The following LVRN variants were observed in gnomAD, a reference collection of about 807,000 sequenced individuals.
LVRN encodes the protein aminopeptidase Q.
Under a neutral mutation model 111.4 loss-of-function variants are expected in LVRN, and 99 were observed. The ratio of observed to expected loss-of-function variants is 0.89; its 90% CI spans 0.76 to 1.05. The LOEUF is 1.05. LVRN is among the 50% of genes least tolerant of loss of function. The pLI, the probability that LVRN is intolerant of heterozygous loss-of-function variation, is 0.00. For synonymous variants in LVRN, 488 were observed against 449.5 expected, an observed-to-expected ratio of 1.09 and a Z score of -1.08; for missense variants, 1,414 against 1,206.8, an observed-to-expected ratio of 1.17 and a Z score of -2.54.
In LVRN at chr5:116,027,596, A is replaced by AT. The variant is rs1331811502; in HGVS notation, c.*1479dup. ...AAATTTTCAGCAATAAAATATCTGC[A>AT]TGCCTACAAAGTGTTGTAGCTGAGA... On this transcript the variant is annotated 3_prime_UTR_variant, in exon 20 of 20. Coordinates refer to ENST00000357872, the MANE Select transcript of LVRN (RefSeq NM_173800.5). The AT allele has an allele frequency of 6.6e-6, 1 of 152,200 alleles. No individual in the cohort carries two copies. The highest frequency in any genetic ancestry group is 1.5e-5 in the Non-Finnish European group (1 of 68,034). 9.4% of individuals were successfully genotyped at this position (152,200 alleles called of 1,614,324 possible). A position where few individuals can be genotyped will look rare whatever the true frequency, so the allele number is the denominator to read the frequency against.
intron 1 of LVRN, 79 bp downstream of exon 1, chr5:115,963,391 C>T (rs746834145): frequency 1.7e-6 from 2 of 1,208,180 alleles, no homozygotes; most frequent in African/African-American, 1.5e-5. Context: ...AGCTGACTAC[C>T]GTGTCCAGGT....
chr5:116,009,823 C>G (rs1022621254), intron 13 of LVRN, among the ~76,000 whole-genome samples: 1 of 152,084 alleles, frequency 6.6e-6, no homozygotes, highest in African/African-American at 2.4e-5. Context: ...AGAATCTAAT[C>G]CTGGTGAAGA....
chr5:116,015,142 CT>C (rs1249357399), intron 16 of LVRN, 109 bp from the exon 17 acceptor site: 1 of 878,752 alleles, frequency 1.1e-6, no homozygotes, highest in Non-Finnish European at 1.6e-6. Flanking sequence ...TACTTTTGAC[CT>C]TTATATCTGT....
intron 4 of LVRN, 110 bp downstream of exon 4, chr5:115,988,049 C>G: frequency 7.0e-7 from 1 of 1,427,926 alleles, no homozygotes; most frequent in Non-Finnish European, 9.5e-7. Context: ...CACCATTTAG[C>G]TGCTGGTTTG....
intron 6 of LVRN, chr5:115,995,354 T>A (rs1476999610): frequency 1.3e-5 from 2 of 152,224 alleles, no homozygotes; most frequent in Non-Finnish European, 2.9e-5. Flanking sequence ...CAAGCACTGA[T>A]GTAGTGCACG....
At chr5:115,985,707 A>G (rs1747842636) in intron 3 of LVRN, among the ~76,000 whole-genome samples, 1 of 152,220 alleles carries the variant, frequency 6.6e-6, no homozygotes, top group African/African-American at 2.4e-5. Context: ...AGTTGTGTAA[A>G]GTCAGCACTC....
chr5:115,963,530 C>G (rs929567901), intron 1 of LVRN, among the ~76,000 whole-genome samples: 1 of 152,156 alleles, frequency 6.6e-6, no homozygotes, highest in Non-Finnish European at 1.5e-5. Context: ...CATATGTATA[C>G]GTGTGCCATA....
At chr5:116,002,459 C>T (rs758897132) in intron 10 of LVRN, among the ~76,000 whole-genome samples, 1 of 152,228 alleles carries the variant, frequency 6.6e-6, no homozygotes, top group Non-Finnish European at 1.5e-5. Context: ...TTCTAAACTA[C>T]TTTTCACCTC....
At chr5:115,982,734 C>A (rs982178763) in intron 1 of LVRN, among the ~76,000 whole-genome samples, 1 of 152,064 alleles carries the variant, frequency 6.6e-6, no homozygotes, top group East Asian at 1.9e-4. Flanking sequence ...GGATTTGATA[C>A]CTTTACCCAT....
chr5:115,997,390 G>A (rs1748138312), intron 6 of LVRN, among the ~76,000 whole-genome samples: 2 of 152,292 alleles, frequency 1.3e-5, no homozygotes, highest in South Asian at 4.2e-4. Context: ...TATGCTATGT[G>A]TGGTGGCTCA....
chr5:116,003,247 T>A lies in LVRN; in HGVS notation c.1904T>A (p.Phe635Tyr). ...TTCCCATATTCCTTTATAGAAGTAT[T>A]CCCAGAAATGCAAGTTTCAGATTCT... ...LVWLDQSSKV[F>Y]PEMQVSDSDH... The change falls in exon 12 of 20, where the codon TTC becomes TAC. Residue 635 changes from phenylalanine to tyrosine, a missense_variant. Phe to Tyr is a conservative substitution (Grantham distance 22). Transcript: ENST00000357872. The A allele has an allele frequency of 1.3e-6, 2 of 1,580,480 alleles. No homozygotes were observed. Among genetic ancestry groups the A allele is most frequent in the Non-Finnish European group, 1.7e-6 (2 of 1,163,704 alleles).
intron 1 of LVRN, among the ~76,000 whole-genome samples, chr5:115,967,635 A>T (rs1348777097): frequency 6.6e-6 from 1 of 152,132 alleles, no homozygotes; most frequent in Admixed American, 6.6e-5. Context: ...AGCTACTAAA[A>T]ATCTTATTAG....
At chr5:116,003,102 T>C in intron 11 of LVRN, 139 bp from the exon 12 acceptor site, 1 of 920,566 alleles carries the variant, frequency 1.1e-6, no homozygotes, top group Admixed American at 3.1e-5. Context: ...AATTACCTGG[T>C]AAGAGCAATA....
At chr5:115,965,136 A>G (rs1351311921) in intron 1 of LVRN, among the ~76,000 whole-genome samples, 1 of 152,230 alleles carries the variant, frequency 6.6e-6, no homozygotes, top group African/African-American at 2.4e-5. Flanking sequence ...AAAAGGGAGT[A>G]CACAGTGACA....
chr5:116,001,484 C>T (rs1011414291), intron 10 of LVRN, among the ~76,000 whole-genome samples: 5 of 152,134 alleles, frequency 3.3e-5, no homozygotes, highest in African/African-American at 1.2e-4. Context: ...AAGCTGTGGG[C>T]TATTGTGTGT....
intron 13 of LVRN, among the ~76,000 whole-genome samples, chr5:116,010,254 T>G (rs1290090241): frequency 6.6e-6 from 1 of 152,212 alleles, no homozygotes; most frequent in Non-Finnish European, 1.5e-5. Flanking sequence ...AACTTTTATA[T>G]GCACTGGAAA....
intron 19 of LVRN, among the ~76,000 whole-genome samples, chr5:116,022,868 A>G (rs1409180875): frequency 6.6e-6 from 1 of 152,216 alleles, no homozygotes; most frequent in African/African-American, 2.4e-5. Context: ...CCCCTGCCTT[A>G]GTTTGGCTTC....
intron 1 of LVRN, among the ~76,000 whole-genome samples, chr5:115,981,001 T>C (rs1753549504): frequency 6.6e-6 from 1 of 152,084 alleles, no homozygotes; most frequent in Non-Finnish European, 1.5e-5. Context: ...AAAATTTAAG[T>C]GGTATATTAA....
Position 115,987,524 on chromosome 5 carries a change from G to A in LVRN, c.979-289G>A, listed in dbSNP as rs189402409. Among the ~76,000 whole-genome samples, 18 of 152,296 alleles carry A rather than the reference G, an allele frequency of 1.2e-4. No individual in the cohort carries two copies. In the East Asian group the frequency reaches 3.3e-3, roughly 28 times the overall value. On this transcript the variant is annotated intron_variant, in intron 3 of 19. Coordinates refer to ENST00000357872, the MANE Select transcript of LVRN (RefSeq NM_173800.5). ...GCCTATAGAATCTACACTTACTGTA[G>A]GGGTAGATGCTGGTACAACCCATTC... is the stretch of plus-strand genomic sequence containing the variant.
Sources: allele counts gnomAD v4.1 joint callset (sites outside exome capture counted in the v4.1 genomes callset), GRCh38; gene constraint gnomAD v4.1.1; transcripts MANE v1.5; gene names NCBI Gene and HGNC (gene_info 2026-07-23, HGNC 2026-07-21).